Variants in STX8 observed in about 807,000 individuals in gnomAD.
The protein encoded by STX8 is syntaxin-8.
A neutral mutation model predicts 37.5 loss-of-function variants in STX8; 23 were observed. The observed-to-expected ratio is 0.61, with a 90% CI of 0.44 to 0.87. The LOEUF (loss-of-function observed/expected upper bound fraction) is 0.87. Ranked by LOEUF, STX8 falls within the 40% of genes least tolerant of loss-of-function variation. The pLI, the probability that STX8 is intolerant of heterozygous loss-of-function variation, is 0.00. For synonymous variants in STX8, 115 were observed against 99.1 expected (o/e 1.16, Z -0.95); for missense variants, 313 against 284.7 (o/e 1.10, Z -0.71).
intron 6 of STX8, among the ~76,000 whole-genome samples, chr17:9,434,716 T>C (rs184757279): frequency 6.6e-6 from 1 of 152,330 alleles, no homozygotes; most frequent in African/African-American, 2.4e-5. Flanking sequence ...GCAGAGGTAC[T>C]GTTCCTTGTA....
chr17:9,458,427 G>A (rs563771352), intron 6 of STX8, among the ~76,000 whole-genome samples: 11 of 152,340 alleles, frequency 7.2e-5, no homozygotes, highest in African/African-American at 2.6e-4. Context: ...GGGATTACAG[G>A]CGTGAGCCAC....
At chr17:9,342,756 C>T (rs943574052) in intron 7 of STX8, among the ~76,000 whole-genome samples, 1 of 152,138 alleles carries the variant, frequency 6.6e-6, no homozygotes, top group African/African-American at 2.4e-5. Context: ...GGCGCGGTGG[C>T]TCACGCCTGT....
chr17:9,390,692 CCAGG>C (rs1912184227), intron 6 of STX8, among the ~76,000 whole-genome samples: 1 of 149,652 alleles, frequency 6.7e-6, no homozygotes, highest in Non-Finnish European at 1.5e-5. Flanking sequence ...AAAAAATTAG[CCAGG>C]CATGGTGGTG....
intron 7 of STX8, among the ~76,000 whole-genome samples, chr17:9,355,596 G>A (rs1353524086): frequency 6.7e-6 from 1 of 149,550 alleles, no homozygotes; most frequent in Non-Finnish European, 1.5e-5. Flanking sequence ...TCCGCCTCCC[G>A]AGTTCAAGCG....
At chr17:9,410,946 A>G (rs1377703070) in intron 6 of STX8, among the ~76,000 whole-genome samples, 1 of 152,212 alleles carries the variant, frequency 6.6e-6, no homozygotes, top group Non-Finnish European at 1.5e-5. Context: ...ATCAACAAAC[A>G]TTTACAATAC....
chr17:9,278,663 G>A (rs1907769121), intron 7 of STX8, among the ~76,000 whole-genome samples: 1 of 152,074 alleles, frequency 6.6e-6, no homozygotes. Flanking sequence ...AAAAGTTCTT[G>A]GATATGCAGT....
intron 7 of STX8, among the ~76,000 whole-genome samples, chr17:9,352,103 G>C (rs563692025): frequency 6.7e-6 from 1 of 149,830 alleles, no homozygotes; most frequent in Non-Finnish European, 1.5e-5. Flanking sequence ...GGTGAGCTAC[G>C]ATTGTGCCAC....
chr17:9,345,894 C>T (rs939407595), intron 7 of STX8, among the ~76,000 whole-genome samples: 2 of 101,116 alleles, frequency 2.0e-5, no homozygotes, highest in Admixed American at 1.5e-4. Context: ...TCTTGTTGCC[C>T]AGACTGGAGT....
At chr17:9,307,004 A>C (rs896757391) in intron 7 of STX8, among the ~76,000 whole-genome samples, 7 of 151,916 alleles carry the variant, frequency 4.6e-5, no homozygotes, top group African/African-American at 1.7e-4. Context: ...CATGCCTGTA[A>C]TCCCTGCTAC....
intron 6 of STX8, among the ~76,000 whole-genome samples, chr17:9,391,342 C>G (rs1000935352): frequency 2.0e-5 from 3 of 152,062 alleles, no homozygotes; most frequent in African/African-American, 7.2e-5. Flanking sequence ...GTCCCAGTTA[C>G]TTGGGAGGCT....
chr17:9,559,184 T>C (rs1907108123), intron 2 of STX8, among the ~76,000 whole-genome samples: 1 of 152,128 alleles, frequency 6.6e-6, no homozygotes, highest in Non-Finnish European at 1.5e-5. Flanking sequence ...AAAATGTCAT[T>C]ATCATAATTA....
At chr17:9,511,226 T>C (rs997880511) in intron 4 of STX8, among the ~76,000 whole-genome samples, 17 of 148,970 alleles carry the variant, frequency 1.1e-4, no homozygotes, top group Admixed American at 7.2e-4. Flanking sequence ...TTCCAAAAAA[T>C]TGAAGTGAGG....
chr17:9,298,270 C>T (rs1433086324), intron 7 of STX8, among the ~76,000 whole-genome samples: 3 of 152,192 alleles, frequency 2.0e-5, no homozygotes, highest in Non-Finnish European at 4.4e-5. Flanking sequence ...TGGATGTGAG[C>T]ACATGTGGAG....
At chr17:9,259,143 G>A (rs773368094) in intron 7 of STX8, among the ~76,000 whole-genome samples, 8 of 152,142 alleles carry the variant, frequency 5.3e-5, no homozygotes, top group Non-Finnish European at 1.0e-4. Context: ...GGTATACTAT[G>A]ACACGTTGGG....
intron 6 of STX8, among the ~76,000 whole-genome samples, chr17:9,475,904 C>T (rs1906083336): frequency 6.6e-6 from 1 of 152,140 alleles, no homozygotes; most frequent in African/African-American, 2.4e-5. Flanking sequence ...TAAAGGGCCG[C>T]CCGTGGTGGC....
intron 1 of STX8, among the ~76,000 whole-genome samples, chr17:9,571,599 CAAA>C (rs66741519): frequency 0.012 from 1,235 of 99,800 alleles, 17 homozygotes; most frequent in African/African-American, 0.04. Flanking sequence ...GACTTTGTCT[CAAA>C]AAAAAAAAAA....
intron 6 of STX8, among the ~76,000 whole-genome samples, chr17:9,439,587 C>T (rs984920073): frequency 1.3e-5 from 2 of 151,178 alleles, no homozygotes; most frequent in African/African-American, 2.4e-5. Flanking sequence ...CCTCTGCCTC[C>T]CAGGTTCAAG....
At chr17:9,359,289 G>A (rs11868237) in intron 7 of STX8, among the ~76,000 whole-genome samples, 1 of 151,950 alleles carries the variant, frequency 6.6e-6, no homozygotes, top group African/African-American at 2.4e-5. Context: ...GTGGAACTAA[G>A]GCTCTTGAGC....
intron 6 of STX8, among the ~76,000 whole-genome samples, chr17:9,484,044 C>T (rs181271109): frequency 2.9e-3 from 439 of 152,308 alleles, no homozygotes; most frequent in African/African-American, 0.01. Flanking sequence ...TTCAATTTAG[C>T]AACCATGTAG....
Sources: gnomAD v4.1 joint callset for allele counts (sites outside exome capture counted in the v4.1 genomes callset) on GRCh38, gnomAD v4.1.1 for gene constraint, MANE v1.5 for transcripts, NCBI Gene and HGNC (gene_info 2026-07-23, HGNC 2026-07-21) for gene names.